Variants in SCUBE2 observed in about 807,000 individuals in gnomAD.
SCUBE2 encodes signal peptide, CUB domain and EGF like domain containing 2.
SCUBE2 carries 114 observed loss-of-function variants against 125.9 expected under a neutral mutation model. The ratio of observed to expected loss-of-function variants is 0.91; its 90% CI spans 0.78 to 1.06. SCUBE2 has a LOEUF of 1.06. SCUBE2 is among the 50% of genes least tolerant of loss of function. The pLI, the probability that SCUBE2 is intolerant of heterozygous loss-of-function variation, is 0.00. For synonymous variants in SCUBE2, 459 were observed against 492.9 expected (o/e 0.93, Z 0.91); for missense variants, 1,255 against 1,301.8 (o/e 0.96, Z 0.55).
Position 9,030,926 on chromosome 11 carries a change from C to G in SCUBE2, c.2174-1G>C, listed in dbSNP as rs1409587856. 6.2e-7 allele frequency: 1 copy of G among 1,612,674 alleles called. No homozygotes were observed. Among genetic ancestry groups the G allele is most frequent in the Non-Finnish European group, 8.5e-7 (1 of 1,179,306 alleles). ...GAATATTCACCAGGTTGACACAGAC[C>G]TGGAAGGACCAATAGCCTTACGTGA... On this transcript the variant is annotated splice_acceptor_variant, in intron 17 of 22. Transcript: ENST00000649792. LOFTEE classifies it high-confidence loss of function.
In SCUBE2 at chr11:9,053,234, A is replaced by T; in HGVS notation, c.1331-19T>A. ...TTCACTTCTAGACAGGACAAAACAG[A>T]CACTTACAGAAAGAGAAGGACATTT... On this transcript the variant is annotated intron_variant, in intron 11 of 22. Transcript: ENST00000649792. The T allele has an allele frequency of 6.3e-7, 1 of 1,589,170 alleles. No homozygotes were observed. Among genetic ancestry groups the T allele is most frequent in the Non-Finnish European group, 8.6e-7 (1 of 1,157,462 alleles).
rs907994811 is a variant in SCUBE2, at chr11:9,059,430, A to G, written c.968-5T>C. Reference sequence around the variant, plus strand: ...GGGTCTGGCACTCATCAATATCTGCAACAGGAAAGCATTGGGCATATCAGA... The same window carrying G: ...GGGTCTGGCACTCATCAATATCTGCGACAGGAAAGCATTGGGCATATCAGA... On this transcript the variant is annotated splice_polypyrimidine_tract_variant and splice_region_variant and intron_variant, in intron 8 of 22. Coordinates refer to ENST00000649792, the MANE Select transcript of SCUBE2 (RefSeq NM_001367977.2). 9 of 1,613,786 alleles carry G rather than the reference A, an allele frequency of 5.6e-6. No individual in the cohort carries two copies. Among genetic ancestry groups the G allele is most frequent in the Non-Finnish European group, 7.6e-6 (9 of 1,179,714 alleles).
chr11:9,024,349 G>T, intron 21 of SCUBE2: 1 of 1,276,896 alleles, frequency 7.8e-7, no homozygotes, highest in Non-Finnish European at 1.0e-6. Context: ...GGAGGCATTT[G>T]GGTCCACCCC....
At chr11:9,024,730 C>A (rs966087965) in intron 21 of SCUBE2, among the ~76,000 whole-genome samples, 2 of 152,170 alleles carry the variant, frequency 1.3e-5, no homozygotes, top group African/African-American at 4.8e-5. Context: ...TCCTTCTCCC[C>A]CATTTATGCT....
chr11:9,050,448 G>C, intron 14 of SCUBE2, 158 bp downstream of exon 14: 1 of 631,640 alleles, frequency 1.6e-6, no homozygotes, highest in South Asian at 1.8e-5. Context: ...TCTTCCTCTT[G>C]GGATGAGTCC....
intron 16 of SCUBE2, among the ~76,000 whole-genome samples, chr11:9,039,544 G>A (rs1224333536): frequency 6.6e-6 from 1 of 152,214 alleles, no homozygotes; most frequent in Non-Finnish European, 1.5e-5. Context: ...ACACTAGGAA[G>A]GCACGGGTTC....
intron 7 of SCUBE2, among the ~76,000 whole-genome samples, chr11:9,060,964 A>G (rs1273938744): frequency 6.6e-6 from 1 of 152,160 alleles, no homozygotes; most frequent in African/African-American, 2.4e-5. Context: ...CGCCGCCCCA[A>G]CCACTGCCTT....
intron 7 of SCUBE2, 80 bp from the exon 8 acceptor site, chr11:9,060,604 GCATGGTGGGGTACT>G: frequency 8.6e-7 from 1 of 1,158,132 alleles, no homozygotes; most frequent in Non-Finnish European, 1.3e-6. Context: ...AAGCCAAGAA[GCATGGTGGGGTACT>G]CATGGTCATA....
At position 9,020,720 on chromosome 11, in the gene SCUBE2, A is replaced by C. The variant is rs1318798077; in HGVS notation, c.*325T>G. 1 of 191,048 alleles carries C rather than the reference A, an allele frequency of 5.2e-6. No individual in the cohort carries two copies. Among genetic ancestry groups the C allele is most frequent in the Admixed American group, 6.1e-5 (1 of 16,360 alleles). 11.8% of individuals were successfully genotyped at this position (191,048 alleles called of 1,614,324 possible). On this transcript the variant is annotated 3_prime_UTR_variant, in exon 23 of 23. Transcript: ENST00000649792. ...TTCCACTACAGACTCCTTGAGGAGG[A>C]GTAAGACCCCAGAAGGACAGGTGAG...
chr11:9,071,158 C>T (rs1000399756), intron 4 of SCUBE2, among the ~76,000 whole-genome samples: 1 of 152,102 alleles, frequency 6.6e-6, no homozygotes, highest in African/African-American at 2.4e-5. Flanking sequence ...AACTAGTGCT[C>T]GGGGGTAAAT....
intron 4 of SCUBE2, 37 bp from the exon 5 acceptor site, chr11:9,069,532 T>C (rs1266689340): frequency 5.0e-6 from 8 of 1,612,726 alleles, no homozygotes. Context: ...GACTAGGCTG[T>C]GGTCAGAATC....
At chr11:9,087,611 C>A (rs1372266873) in intron 2 of SCUBE2, among the ~76,000 whole-genome samples, 2 of 152,186 alleles carry the variant, frequency 1.3e-5, no homozygotes, top group African/African-American at 4.8e-5. Flanking sequence ...CAGGACCACA[C>A]CTTCTCCAAT....
chr11:9,050,311 ATTCAT>A (rs1447343409), intron 14 of SCUBE2: 6 of 287,294 alleles, frequency 2.1e-5, no homozygotes, highest in South Asian at 2.3e-4. Context: ...CAAATTGCTA[ATTCAT>A]CTGAAGCCCT....
chr11:9,037,520 G>A (rs996522705), intron 16 of SCUBE2, among the ~76,000 whole-genome samples: 1 of 152,164 alleles, frequency 6.6e-6, no homozygotes, highest in Non-Finnish European at 1.5e-5. Context: ...CTAATAAAAG[G>A]GGTCACCCTC....
intron 7 of SCUBE2, among the ~76,000 whole-genome samples, chr11:9,063,627 T>C (rs1468143466): frequency 1.3e-5 from 2 of 152,224 alleles, no homozygotes; most frequent in Admixed American, 6.5e-5. Flanking sequence ...TTTTCAGGCA[T>C]GCAAATTTTT....
intron 18 of SCUBE2, 149 bp from the exon 19 acceptor site, chr11:9,030,194 A>G: frequency 1.3e-6 from 1 of 797,586 alleles, no homozygotes; most frequent in South Asian, 1.9e-5. Flanking sequence ...TCAACACTTA[A>G]TTCCCTAAAT....
intron 2 of SCUBE2, among the ~76,000 whole-genome samples, chr11:9,083,776 G>A (rs1861844678): frequency 6.6e-6 from 1 of 152,020 alleles, no homozygotes; most frequent in African/African-American, 2.4e-5. Flanking sequence ...TCCTGACCTT[G>A]TGACCCACCC....
chr11:9,053,903 C>T lies in SCUBE2; in HGVS notation c.1208-144G>A, dbSNP rs1368661523. 13 of 940,240 alleles carry T rather than the reference C, an allele frequency of 1.4e-5. No individual in the cohort carries two copies. In the East Asian group the frequency reaches 1.6e-4, roughly 12 times the overall value. 58.2% of individuals were successfully genotyped at this position (940,240 alleles called of 1,614,324 possible). ...AGACACTGAATGCCTTTAGCATGAGCGCTCGGCACCAGCTGACTGCACACC... is the reference window on the plus strand; with the variant it reads ...AGACACTGAATGCCTTTAGCATGAGTGCTCGGCACCAGCTGACTGCACACC... On this transcript the variant is annotated intron_variant, in intron 10 of 22. Coordinates refer to ENST00000649792, the MANE Select transcript of SCUBE2 (RefSeq NM_001367977.2).
intron 15 of SCUBE2, 97 bp from the exon 16 acceptor site, chr11:9,047,659 C>T (rs1590056767): frequency 8.0e-7 from 1 of 1,252,360 alleles, no homozygotes; most frequent in Admixed American, 2.0e-5. Context: ...ACCCCGAGCT[C>T]CCTGTGGACC....
Sources: allele counts gnomAD v4.1 joint callset (sites outside exome capture counted in the v4.1 genomes callset), GRCh38; gene constraint gnomAD v4.1.1; transcripts MANE v1.5; gene names NCBI Gene and HGNC (gene_info 2026-07-23, HGNC 2026-07-21).